Variants in SEMA5A observed in about 807,000 individuals in gnomAD.
SEMA5A encodes semaphorin-5A.
A neutral mutation model predicts 135.5 loss-of-function variants in SEMA5A; 55 were observed. That is an observed-to-expected ratio of 0.41 (90% CI 0.33 to 0.51). SEMA5A has a LOEUF of 0.51. SEMA5A is among the 20% of genes least tolerant of loss of function. The pLI, the probability that SEMA5A is intolerant of heterozygous loss-of-function variation, is 0.37. For synonymous variants in SEMA5A, 580 were observed against 546.5 expected, an observed-to-expected ratio of 1.06 and a Z score of -0.85; for missense variants, 1,290 against 1,419.9, an observed-to-expected ratio of 0.91 and a Z score of 1.47.
At chr5:9,309,217 G>C (rs938555962) in intron 5 of SEMA5A, among the ~76,000 whole-genome samples, 2 of 152,054 alleles carry the variant, frequency 1.3e-5, no homozygotes, top group African/African-American at 4.8e-5. Flanking sequence ...AAGTATTCCT[G>C]CTTGTTATTT....
intron 2 of SEMA5A, among the ~76,000 whole-genome samples, chr5:9,399,718 AAAG>A (rs1284383520): frequency 6.6e-6 from 1 of 152,126 alleles, no homozygotes; most frequent in African/African-American, 2.4e-5. Flanking sequence ...GGTGATAGAG[AAAG>A]AAGATTAGGG....
chr5:9,516,586 G>A (rs1452332723), intron 1 of SEMA5A: 1 of 152,212 alleles, frequency 6.6e-6, no homozygotes, highest in Non-Finnish European at 1.5e-5. Flanking sequence ...CCAGTGTGAA[G>A]AGACACGACA....
intron 2 of SEMA5A, among the ~76,000 whole-genome samples, chr5:9,410,749 A>G (rs1757075159): frequency 1.3e-5 from 2 of 152,084 alleles, no homozygotes; most frequent in African/African-American, 4.8e-5. Flanking sequence ...GAGCGGGTCA[A>G]TAGGTGCAGC....
intron 15 of SEMA5A, among the ~76,000 whole-genome samples, chr5:9,111,314 G>A (rs1202738404): frequency 6.6e-6 from 1 of 151,990 alleles, no homozygotes; most frequent in African/African-American, 2.4e-5. Context: ...GGTATGGAAG[G>A]CAGAGGGAAA....
At chr5:9,140,797 C>T (rs538052382) in intron 12 of SEMA5A, among the ~76,000 whole-genome samples, 1 of 152,264 alleles carries the variant, frequency 6.6e-6, no homozygotes, top group South Asian at 2.1e-4. Context: ...CATTCCTTTT[C>T]GTGTTTCTTA....
At chr5:9,216,745 T>G (rs569505703) in intron 8 of SEMA5A, among the ~76,000 whole-genome samples, 1 of 152,348 alleles carries the variant, frequency 6.6e-6, no homozygotes, top group Non-Finnish European at 1.5e-5. Flanking sequence ...TGCCTGTCTT[T>G]GTCTTTTTGA....
At chr5:9,093,720 A>C (rs1019751286) in intron 16 of SEMA5A, among the ~76,000 whole-genome samples, 3 of 151,930 alleles carry the variant, frequency 2.0e-5, no homozygotes, top group Non-Finnish European at 4.4e-5. Context: ...CAAAACAAAA[A>C]AAAACCGAAT....
chr5:9,467,664 G>T (rs1288162023), intron 1 of SEMA5A, among the ~76,000 whole-genome samples: 1 of 152,126 alleles, frequency 6.6e-6, no homozygotes, highest in Non-Finnish European at 1.5e-5. Flanking sequence ...TGGTAAACAA[G>T]CACCAGGAGC....
At chr5:9,479,922 C>A (rs937118444) in intron 1 of SEMA5A, among the ~76,000 whole-genome samples, 7 of 152,226 alleles carry the variant, frequency 4.6e-5, no homozygotes, top group African/African-American at 1.7e-4. Context: ...GTATAACAGG[C>A]ACTCACAAAA....
At chr5:9,139,716 T>G (rs1405455589) in intron 12 of SEMA5A, among the ~76,000 whole-genome samples, 3 of 152,216 alleles carry the variant, frequency 2.0e-5, no homozygotes, top group Admixed American at 6.5e-5. Flanking sequence ...GAGATATACA[T>G]GTTATAAGAT....
chr5:9,458,931 A>G (rs930635547), intron 1 of SEMA5A, among the ~76,000 whole-genome samples: 19 of 152,184 alleles, frequency 1.2e-4, no homozygotes, highest in African/African-American at 4.6e-4. Flanking sequence ...CAGTTAGAAT[A>G]AGGTAAGCTG....
chr5:9,327,871 T>C (rs1752948258), intron 4 of SEMA5A, among the ~76,000 whole-genome samples: 1 of 152,182 alleles, frequency 6.6e-6, no homozygotes, highest in Non-Finnish European at 1.5e-5. Flanking sequence ...ATCTGATTTG[T>C]TCCTTTCTGT....
At chr5:9,345,788 T>C (rs1261954780) in intron 3 of SEMA5A, among the ~76,000 whole-genome samples, 1 of 152,168 alleles carries the variant, frequency 6.6e-6, no homozygotes, top group African/African-American at 2.4e-5. Context: ...TCTAGATATA[T>C]TGTATATAAG....
chr5:9,324,173 A>T (rs1002022981), intron 4 of SEMA5A, among the ~76,000 whole-genome samples: 3 of 151,388 alleles, frequency 2.0e-5, no homozygotes, highest in Non-Finnish European at 4.4e-5. Flanking sequence ...GGTTCACGCC[A>T]TTCTCCTGCC....
intron 2 of SEMA5A, among the ~76,000 whole-genome samples, chr5:9,434,929 A>C (rs1188096178): frequency 2.0e-5 from 3 of 152,234 alleles, no homozygotes; most frequent in African/African-American, 7.2e-5. Context: ...TGCTTAAAGA[A>C]ACACAAATTA....
intron 15 of SEMA5A, among the ~76,000 whole-genome samples, chr5:9,114,994 T>C (rs1424968870): frequency 1.3e-5 from 2 of 152,158 alleles, no homozygotes; most frequent in African/African-American, 2.4e-5. Flanking sequence ...AGATCACCTC[T>C]AGTGAGCTGG....
At chr5:9,103,650 T>A (rs1739747808) in intron 16 of SEMA5A, among the ~76,000 whole-genome samples, 1 of 152,220 alleles carries the variant, frequency 6.6e-6, no homozygotes, top group Non-Finnish European at 1.5e-5. Flanking sequence ...ATACTAAGTC[T>A]GCTGTTCTTT....
intron 12 of SEMA5A, among the ~76,000 whole-genome samples, chr5:9,149,856 C>T (rs1333285764): frequency 6.6e-6 from 1 of 152,290 alleles, no homozygotes; most frequent in East Asian, 1.9e-4. Flanking sequence ...TCCTGAATTA[C>T]AGAGGTGGGA....
intron 1 of SEMA5A, chr5:9,517,140 A>C (rs1300899473): frequency 6.6e-6 from 1 of 152,258 alleles, no homozygotes; most frequent in Non-Finnish European, 1.5e-5. Flanking sequence ...AAACATGTCC[A>C]GTCCGGAGTG....
Sources: gnomAD v4.1 joint callset for allele counts (sites outside exome capture counted in the v4.1 genomes callset) on GRCh38, gnomAD v4.1.1 for gene constraint, MANE v1.5 for transcripts, NCBI Gene and HGNC (gene_info 2026-07-23, HGNC 2026-07-21) for gene names.